The following GUCY1A2 variants were observed in gnomAD, a reference collection of about 807,000 sequenced individuals.
The protein encoded by GUCY1A2 is guanylate cyclase soluble subunit alpha-2.
Under a neutral mutation model 63.5 loss-of-function variants are expected in GUCY1A2, and 27 were observed. The ratio of observed to expected loss-of-function variants is 0.43; its 90% CI spans 0.31 to 0.59. The LOEUF is 0.59. Ranked by LOEUF, GUCY1A2 falls within the 20% of genes least tolerant of loss-of-function variation. The probability of loss-of-function intolerance (pLI) is 0.11; values close to 1 mark genes in which losing one functional copy is unlikely to be tolerated. For synonymous variants in GUCY1A2, 364 were observed against 343.5 expected, an observed-to-expected ratio of 1.06 and a Z score of -0.66; for missense variants, 768 against 913.3, an observed-to-expected ratio of 0.84 and a Z score of 2.05.
chr11:106,913,471 G>T (rs530391647), intron 4 of GUCY1A2, among the ~76,000 whole-genome samples: 1 of 152,120 alleles, frequency 6.6e-6, no homozygotes, highest in African/African-American at 2.4e-5. Flanking sequence ...AATACAGTGA[G>T]AACTCACTCA....
rs537487630 is a variant in GUCY1A2 at position 106,838,875 on chromosome 11, A to C, written c.1207-28397T>G. ...GAGTACTTTGTAGATTCTGGATATT[A>C]GCCCTTTGTCAGATGAGTAGATTGC... On this transcript the variant is annotated intron_variant, in intron 4 of 7. Coordinates refer to ENST00000526355, the MANE Select transcript of GUCY1A2 (RefSeq NM_000855.3). 3.9e-5 allele frequency among the ~76,000 whole-genome samples: 6 copies of C among 152,094 alleles called. No individual in the cohort carries two copies. The East Asian group carries it at 9.7e-4, about 25-fold the overall frequency.
chr11:106,868,572 G>A (rs988822993), intron 4 of GUCY1A2, among the ~76,000 whole-genome samples: 3 of 152,062 alleles, frequency 2.0e-5, no homozygotes, highest in African/African-American at 4.8e-5. Flanking sequence ...CCTCTTCAAG[G>A]AGAACTACAA....
rs1347495287 is a variant in GUCY1A2 at position 106,893,368 on chromosome 11, G to A, written c.1206+46092C>T. 2.0e-5 allele frequency among the ~76,000 whole-genome samples: 3 copies of A among 151,908 alleles called. No individual in the cohort carries two copies. In the South Asian group the frequency reaches 6.2e-4, roughly 31 times the overall value. ...GTACAAAATTTCATGGAAGGAAAGA[G>A]AAAATAATTTAGTCTTTAAAAAAAA... On this transcript the variant is annotated intron_variant, in intron 4 of 7. Coordinates refer to ENST00000526355, the MANE Select transcript of GUCY1A2 (RefSeq NM_000855.3).
chr11:106,747,285 G>T (rs1189443300), intron 6 of GUCY1A2, among the ~76,000 whole-genome samples: 1 of 145,724 alleles, frequency 6.9e-6, no homozygotes, highest in Non-Finnish European at 1.6e-5. Flanking sequence ...ACCGCGCCCG[G>T]CCCATGAAAT....
At chr11:106,877,193 C>G (rs1859761877) in intron 4 of GUCY1A2, among the ~76,000 whole-genome samples, 1 of 151,942 alleles carries the variant, frequency 6.6e-6, no homozygotes, top group South Asian at 2.1e-4. Flanking sequence ...CTTTGTGAAC[C>G]TGCTTATCAT....
At chr11:106,799,235 T>C (rs949197776) in intron 5 of GUCY1A2, among the ~76,000 whole-genome samples, 1 of 151,950 alleles carries the variant, frequency 6.6e-6, no homozygotes, top group Non-Finnish European at 1.5e-5. Context: ...CACTGCTCAA[T>C]GAAATAAAAG....
At chr11:106,945,510 A>G (rs941177597) in intron 3 of GUCY1A2, among the ~76,000 whole-genome samples, 6 of 152,250 alleles carry the variant, frequency 3.9e-5, no homozygotes, top group African/African-American at 7.2e-5. Flanking sequence ...AATGAACCCT[A>G]CAACACACAC....
At chr11:106,847,036 G>C (rs1483470153) in intron 4 of GUCY1A2, among the ~76,000 whole-genome samples, 1 of 150,996 alleles carries the variant, frequency 6.6e-6, no homozygotes. Flanking sequence ...ATGTAACCCA[G>C]GTTTATTTTG....
chr11:106,866,536 A>G (rs1859596773), intron 4 of GUCY1A2, among the ~76,000 whole-genome samples: 1 of 152,222 alleles, frequency 6.6e-6, no homozygotes, highest in East Asian at 1.9e-4. Context: ...CGGATGAGCC[A>G]CTGAAAATCG....
chr11:106,768,573 T>C (rs576742531), intron 6 of GUCY1A2, among the ~76,000 whole-genome samples: 2 of 152,236 alleles, frequency 1.3e-5, no homozygotes, highest in African/African-American at 4.8e-5. Context: ...ATTTTCTTCA[T>C]TTACAAACTG....
rs867764053 is a variant in GUCY1A2 at position 106,939,085 on chromosome 11, A to G, written c.1206+375T>C. On this transcript the variant is annotated intron_variant, in intron 4 of 7. Transcript: ENST00000526355. Reference sequence around the variant, plus strand: ...AAGGTAACTTTTAGCATATGTATTTAAAGATATTGCAGTCACGCCCCACAA... The same window carrying G: ...AAGGTAACTTTTAGCATATGTATTTGAAGATATTGCAGTCACGCCCCACAA... 4.6e-5 allele frequency among the ~76,000 whole-genome samples: 7 copies of G among 152,366 alleles called. No individual in the cohort carries two copies. The Middle Eastern group carries it at 0.01, about 222-fold the overall frequency.
rs566623713 is a variant in GUCY1A2 at position 106,981,862 on chromosome 11, G to A, written c.366-3122C>T. 7.2e-5 allele frequency among the ~76,000 whole-genome samples: 11 copies of A among 152,238 alleles called. No individual in the cohort carries two copies. The South Asian group carries it at 2.3e-3, about 32-fold the overall frequency. On this transcript the variant is annotated intron_variant, in intron 2 of 7. Transcript: ENST00000526355. The stretch of plus-strand genomic sequence containing the variant: ...AGATTCTAAACTTTAAAAGGCCCAA[G>A]GAAGACAGGAAAAGGTTGCAGCAGG...
intron 4 of GUCY1A2, among the ~76,000 whole-genome samples, chr11:106,833,646 G>A (rs935335022): frequency 6.6e-6 from 1 of 152,046 alleles, no homozygotes; most frequent in African/African-American, 2.4e-5. Context: ...TTTCTACCAT[G>A]TGGAACAGTA....
chr11:106,850,434 C>T (rs1189705558), intron 4 of GUCY1A2, among the ~76,000 whole-genome samples: 1 of 151,786 alleles, frequency 6.6e-6, no homozygotes, highest in Non-Finnish European at 1.5e-5. Flanking sequence ...TGCTGCAGAA[C>T]ACCAGAACCC....
At chr11:106,807,724 A>G (rs1192437318) in intron 5 of GUCY1A2, among the ~76,000 whole-genome samples, 3 of 152,194 alleles carry the variant, frequency 2.0e-5, no homozygotes, top group Admixed American at 1.3e-4. Context: ...AGGCAGACCC[A>G]CCTTCAATCC....
At chr11:106,803,061 A>T (rs986625072) in intron 5 of GUCY1A2, among the ~76,000 whole-genome samples, 1 of 152,236 alleles carries the variant, frequency 6.6e-6, no homozygotes, top group Non-Finnish European at 1.5e-5. Context: ...ACTTCTGCTT[A>T]GCAACTAAAA....
At chr11:106,833,370 T>C (rs916831354) in intron 4 of GUCY1A2, among the ~76,000 whole-genome samples, 1 of 152,100 alleles carries the variant, frequency 6.6e-6, no homozygotes, top group Non-Finnish European at 1.5e-5. Context: ...ATCTGTTCAC[T>C]AGATTATGGG....
chr11:106,716,267 T>C (rs1863211907), intron 6 of GUCY1A2, among the ~76,000 whole-genome samples: 1 of 152,094 alleles, frequency 6.6e-6, no homozygotes, highest in African/African-American at 2.4e-5. Context: ...GTTGGCACTA[T>C]TGACATTCTG....
At chr11:106,753,344 T>A (rs1002623845) in intron 6 of GUCY1A2, among the ~76,000 whole-genome samples, 2 of 152,236 alleles carry the variant, frequency 1.3e-5, no homozygotes, top group Non-Finnish European at 2.9e-5. Flanking sequence ...GATAGTTTCT[T>A]TTGCTGTGTA....
Sources: gnomAD v4.1 joint callset for allele counts (sites outside exome capture counted in the v4.1 genomes callset) on GRCh38, gnomAD v4.1.1 for gene constraint, MANE v1.5 for transcripts, NCBI Gene and HGNC (gene_info 2026-07-23, HGNC 2026-07-21) for gene names.